The following STK10 variants were observed in gnomAD, a reference collection of about 807,000 sequenced individuals.
STK10 encodes serine/threonine kinase 10.
STK10 carries 78 observed loss-of-function variants against 113.8 expected under a neutral mutation model. That is an observed-to-expected ratio of 0.69 (90% CI 0.57 to 0.83). The LOEUF (loss-of-function observed/expected upper bound fraction) is 0.83. Ranked by LOEUF, STK10 falls within the 40% of genes least tolerant of loss-of-function variation. The probability of loss-of-function intolerance (pLI) is 0.00; values close to 1 mark genes in which losing one functional copy is unlikely to be tolerated. For missense variants in STK10, 1,109 were observed against 1,280.1 expected (o/e 0.87, Z 2.04); for synonymous variants, 465 against 494.7 (o/e 0.94, Z 0.80).
chr5:172,149,495 C>CGTGT (rs3839238), intron 2 of STK10, among the ~76,000 whole-genome samples: 44 of 149,354 alleles, frequency 2.9e-4, no homozygotes, highest in East Asian at 1.2e-3. Context: ...ACAAAGTGCT[C>CGTGT]GTGTGTGTGT....
chr5:172,185,300 C>T (rs1034563918), intron 1 of STK10, among the ~76,000 whole-genome samples: 5 of 152,128 alleles, frequency 3.3e-5, no homozygotes, highest in South Asian at 2.1e-4. Context: ...GACAGAGTCT[C>T]GCTCTGTCGC....
intron 18 of STK10, among the ~76,000 whole-genome samples, chr5:172,048,113 G>C (rs1275110336): frequency 6.6e-6 from 1 of 152,032 alleles, no homozygotes; most frequent in Non-Finnish European, 1.5e-5. Context: ...GCAAGGCCAC[G>C]GTATCCACCT....
chr5:172,061,332 C>T (rs1325078538), intron 13 of STK10, 64 bp from the exon 14 acceptor site: 3 of 1,520,568 alleles, frequency 2.0e-6, no homozygotes, highest in Non-Finnish European at 2.6e-6. Flanking sequence ...ATGTCTCTTC[C>T]TATTATGGGA....
intron 4 of STK10, among the ~76,000 whole-genome samples, chr5:172,113,849 G>GTTGT (rs1184963145): frequency 6.6e-6 from 1 of 151,812 alleles, no homozygotes; most frequent in African/African-American, 2.4e-5. Context: ...GGAGGCAGCG[G>GTTGT]TTGTGGAGAG....
intron 1 of STK10, among the ~76,000 whole-genome samples, chr5:172,174,742 C>T (rs2113837072): frequency 6.6e-6 from 1 of 152,234 alleles, no homozygotes; most frequent in South Asian, 2.1e-4. Context: ...TGAGGAGGAG[C>T]CAGCTGTACA....
intron 2 of STK10, among the ~76,000 whole-genome samples, chr5:172,135,240 C>G (rs191677060): frequency 1.3e-5 from 2 of 152,114 alleles, no homozygotes; most frequent in Non-Finnish European, 2.9e-5. Context: ...AGGCTGGGCA[C>G]GGTGGCTCAC....
intron 1 of STK10, among the ~76,000 whole-genome samples, chr5:172,157,855 T>G (rs1252504903): frequency 1.4e-5 from 2 of 139,034 alleles, no homozygotes; most frequent in Admixed American, 6.8e-5. Context: ...CCTCCCAAAG[T>G]GTTGGGATTA....
At chr5:172,067,890 A>T (rs1211360089) in intron 12 of STK10, among the ~76,000 whole-genome samples, 5 of 152,186 alleles carry the variant, frequency 3.3e-5, no homozygotes, top group Non-Finnish European at 7.3e-5. Flanking sequence ...CCTCATACAT[A>T]TCATAATAAA....
intron 12 of STK10, among the ~76,000 whole-genome samples, chr5:172,070,781 A>G (rs188811933): frequency 8.9e-4 from 136 of 152,286 alleles, no homozygotes; most frequent in Non-Finnish European, 1.6e-3. Flanking sequence ...CAAAATACCA[A>G]TATGAGGGAT....
chr5:172,094,765 T>C (rs773307123), intron 8 of STK10, among the ~76,000 whole-genome samples: 2 of 152,232 alleles, frequency 1.3e-5, no homozygotes, highest in Non-Finnish European at 2.9e-5. Flanking sequence ...AACTAACTCA[T>C]ATTTTTTAAA....
At chr5:172,054,822 C>T in intron 16 of STK10, 128 bp from the exon 17 acceptor site, 26 of 1,332,200 alleles carry the variant, frequency 2.0e-5, no homozygotes, top group Non-Finnish European at 2.6e-5. Flanking sequence ...CAGTACCCAG[C>T]ACCACCTCAG....
chr5:172,179,788 G>C (rs1390242734), intron 1 of STK10, among the ~76,000 whole-genome samples: 1 of 152,222 alleles, frequency 6.6e-6, no homozygotes, highest in Non-Finnish European at 1.5e-5. Flanking sequence ...GGGGAGGACT[G>C]AGACCTTCCC....
rs553543626 is a variant in STK10, at chr5:172,110,773, G to T, written c.521-2921C>A. On this transcript the variant is annotated intron_variant, in intron 4 of 18. Transcript: ENST00000176763. ...GGTGATAGCACAGAACCATTGCGCA[G>T]GTTTTCCTGAGGATTAAATGACAAA... Among the ~76,000 whole-genome samples, 9 of 152,270 alleles carry T rather than the reference G, an allele frequency of 5.9e-5. No individual in the cohort carries two copies. In the South Asian group the frequency reaches 1.9e-3, roughly 32 times the overall value.
chr5:172,109,053 G>A (rs1769178416), intron 4 of STK10, among the ~76,000 whole-genome samples: 2 of 152,088 alleles, frequency 1.3e-5, no homozygotes, highest in Non-Finnish European at 1.5e-5. Context: ...CCAAAGTGCT[G>A]GGATTATAGG....
intron 14 of STK10, among the ~76,000 whole-genome samples, chr5:172,059,197 G>A (rs1461305207): frequency 6.6e-6 from 1 of 152,140 alleles, no homozygotes; most frequent in Non-Finnish European, 1.5e-5. Context: ...AAGGCAGGTG[G>A]ATTGCTTAAG....
intron 6 of STK10, among the ~76,000 whole-genome samples, chr5:172,106,221 G>T (rs1185080650): frequency 6.6e-6 from 1 of 151,656 alleles, no homozygotes; most frequent in African/African-American, 2.4e-5. Context: ...GACCAGCCTG[G>T]GCAACATAGG....
At chr5:172,100,363 G>T (rs972396114) in intron 7 of STK10, among the ~76,000 whole-genome samples, 1 of 152,194 alleles carries the variant, frequency 6.6e-6, no homozygotes, top group Admixed American at 6.5e-5. Flanking sequence ...GCAACCGGCA[G>T]CTGCTCTCTA....
In STK10 at chr5:172,120,417, G is replaced by A. The variant is rs1450016375; in HGVS notation, c.371-2787C>T. Among the ~76,000 whole-genome samples, 2 of 152,166 alleles carry A rather than the reference G, an allele frequency of 1.3e-5. No homozygotes were observed. The highest frequency in any genetic ancestry group is 2.4e-5 in the African/African-American group (1 of 41,444). On this transcript the variant is annotated intron_variant, in intron 3 of 18. Transcript: ENST00000176763. The surrounding 1 kb of genome is among the most constrained non-coding windows in gnomAD (Gnocchi z 4.0). ...AGCCAGGCCCCAGACCAGGGCTCCT[G>A]GACCAGGGACCCTTCTCTCTGGAGT...
rs574465377 is a variant in STK10 at position 172,088,051 on chromosome 5, G to A, written c.1685+2181C>T. Among the ~76,000 whole-genome samples the A allele has an allele frequency of 8.7e-4, 133 of 152,068 alleles. 1 individual carries two copies. The highest frequency in any genetic ancestry group is 3.2e-3 in the African/African-American group (131 of 41,484). ...AGTGATCCTCCCACTTCAGCCTCCCGAGTAGCTGGGACTACAGGTATGTGC... is the reference window on the plus strand; with the variant it reads ...AGTGATCCTCCCACTTCAGCCTCCCAAGTAGCTGGGACTACAGGTATGTGC... On this transcript the variant is annotated intron_variant, in intron 10 of 18. Coordinates refer to ENST00000176763, the MANE Select transcript of STK10 (RefSeq NM_005990.4).
Sources: allele counts gnomAD v4.1 joint callset (sites outside exome capture counted in the v4.1 genomes callset), GRCh38; gene constraint gnomAD v4.1.1; non-coding constraint Gnocchi (gnomAD v3.1); transcripts MANE v1.5; gene names NCBI Gene and HGNC (gene_info 2026-07-23, HGNC 2026-07-21).